ENOX2: variants seen among roughly 807,000 people sequenced by gnomAD.
The protein encoded by ENOX2 is ecto-NOX disulfide-thiol exchanger 2, also known as APK1 antigen.
A neutral mutation model predicts 45.0 loss-of-function variants in ENOX2; 36 were observed. The observed-to-expected ratio is 0.80, with a 90% CI of 0.61 to 1.06. The LOEUF is 1.06. Ranked by LOEUF, ENOX2 falls within the 50% of genes least tolerant of loss-of-function variation. The pLI, the probability that ENOX2 is intolerant of heterozygous loss-of-function variation, is 0.00. For synonymous variants in ENOX2, 174 were observed against 152.3 expected (o/e 1.14, Z -1.05); for missense variants, 423 against 462.5 (o/e 0.91, Z 0.78).
chrX:130,849,519 C>T (rs1371307296), intron 2 of ENOX2, among the ~76,000 whole-genome samples: 1 of 111,921 alleles, frequency 8.9e-6, no homozygotes, highest in Non-Finnish European at 1.9e-5. Flanking sequence ...TGCTAAGTGC[C>T]GAGATATTGA....
chrX:130,852,987 T>C (rs1030110813), intron 2 of ENOX2, among the ~76,000 whole-genome samples: 1 of 111,044 alleles, frequency 9.0e-6, no homozygotes, highest in Non-Finnish European at 1.9e-5. Flanking sequence ...TTGGACATTA[T>C]ATATAAGACA....
intron 2 of ENOX2, among the ~76,000 whole-genome samples, chrX:130,884,734 G>C (rs1423536019): frequency 2.7e-5 from 3 of 111,250 alleles, no homozygotes; most frequent in Non-Finnish European, 5.7e-5. Flanking sequence ...GAGAGAGAGA[G>C]AGAGAGAGAG....
intron 3 of ENOX2, among the ~76,000 whole-genome samples, chrX:130,780,323 G>A (rs771180344): frequency 8.9e-6 from 1 of 111,919 alleles, no homozygotes; most frequent in South Asian, 3.8e-4. Context: ...CATTTTAGTG[G>A]TGGTTCTAGA....
intron 3 of ENOX2, among the ~76,000 whole-genome samples, chrX:130,747,574 GA>G (rs1325231951): frequency 8.9e-6 from 1 of 112,244 alleles, no homozygotes; most frequent in Non-Finnish European, 1.9e-5. Context: ...CCCCTTGGTT[GA>G]CTCCCAGTAC....
chrX:130,828,504 T>C (rs751779499), intron 2 of ENOX2, among the ~76,000 whole-genome samples: 76 of 112,240 alleles, frequency 6.8e-4, no homozygotes, highest in Admixed American at 1.5e-3. Flanking sequence ...TTGTAATTAA[T>C]ACCATACGGA....
At chrX:130,656,393 C>A (rs866548706) in intron 10 of ENOX2, among the ~76,000 whole-genome samples, 188 bp downstream of exon 10, 7 of 112,367 alleles carry the variant, frequency 6.2e-5, no homozygotes, top group Non-Finnish European at 1.3e-4. Context: ...TAAGTGAAAA[C>A]CACAGAAAAT....
intron 2 of ENOX2, among the ~76,000 whole-genome samples, chrX:130,836,934 G>A (rs2077936720): frequency 9.0e-6 from 1 of 111,628 alleles, no homozygotes; most frequent in African/African-American, 3.3e-5. Flanking sequence ...TATCCTCTAG[G>A]TGAGCATTTT....
At chrX:130,665,539 A>T in intron 9 of ENOX2, 104 bp downstream of exon 9, 1 of 558,282 alleles carries the variant, frequency 1.8e-6, no homozygotes, top group East Asian at 3.6e-5. Flanking sequence ...TATTGTGACC[A>T]TGGGAGCTTG....
intron 2 of ENOX2, among the ~76,000 whole-genome samples, chrX:130,795,862 G>A (rs917361600): frequency 3.6e-5 from 4 of 110,615 alleles, no homozygotes; most frequent in African/African-American, 1.3e-4. Context: ...TTCAAAACTC[G>A]GCTCAAATGT....
In ENOX2 at chrX:130,670,179, G is replaced by A; in HGVS notation, c.480C>T (p.Gly160=). The A allele has an allele frequency of 8.3e-7, 1 of 1,208,791 alleles. No individual in the cohort carries two copies. Among genetic ancestry groups the A allele is most frequent in the Non-Finnish European group, 1.1e-6 (1 of 893,276 alleles). ...CTGTGTCCTTCTTGTCAGTACTAGA[G>A]CCCAGGCGAATGCGGTAACCTAAGT... ...LYLSGYRIRL[G]SSTDKKDTGR... Residue 160 remains glycine, a synonymous_variant, in exon 7 of 15, where the codon GGC becomes GGT. Coordinates refer to ENST00000394363, the MANE Select transcript of ENOX2 (RefSeq NM_006375.4).
chrX:130,871,831 T>C (rs1407587371), intron 2 of ENOX2, among the ~76,000 whole-genome samples: 1 of 111,533 alleles, frequency 9.0e-6, no homozygotes, highest in Non-Finnish European at 1.9e-5. Context: ...ATGCAGATAT[T>C]TGATTCAAGT....
intron 6 of ENOX2, among the ~76,000 whole-genome samples, chrX:130,670,849 G>A (rs781693466): frequency 9.2e-4 from 101 of 110,147 alleles, no homozygotes; most frequent in Non-Finnish European, 1.4e-3. Flanking sequence ...CAGAAAACCT[G>A]ATTCAACTCC....
chrX:130,841,917 G>A (rs1603367135), intron 2 of ENOX2, among the ~76,000 whole-genome samples: 2 of 112,019 alleles, frequency 1.8e-5, no homozygotes, highest in South Asian at 3.7e-4. Context: ...AAAGAAATTC[G>A]CTCCTCCTCC....
chrX:130,896,969 A>G (rs188303407), intron 2 of ENOX2, among the ~76,000 whole-genome samples: 3 of 112,563 alleles, frequency 2.7e-5, no homozygotes, highest in East Asian at 5.6e-4. Context: ...AATATAGTGC[A>G]CACATGGGCT....
At chrX:130,632,102 C>G (rs759091928) in intron 12 of ENOX2, among the ~76,000 whole-genome samples, 79 of 111,148 alleles carry the variant, frequency 7.1e-4, no homozygotes, top group Non-Finnish European at 1.4e-3. Context: ...GGCTACACTG[C>G]CAATCCACTG....
intron 2 of ENOX2, among the ~76,000 whole-genome samples, chrX:130,853,333 G>A (rs1474824974): frequency 1.4e-4 from 15 of 107,400 alleles, no homozygotes; most frequent in African/African-American, 4.4e-4. Context: ...GCGTAGTGGC[G>A]GGCGCCTGTA....
At chrX:130,757,945 T>C (rs1227697553) in intron 3 of ENOX2, among the ~76,000 whole-genome samples, 1 of 111,624 alleles carries the variant, frequency 9.0e-6, no homozygotes, top group Non-Finnish European at 1.9e-5. Context: ...CTTGCTATGT[T>C]GCCCAAGCTG....
intron 10 of ENOX2, among the ~76,000 whole-genome samples, chrX:130,650,829 A>G (rs1237215918): frequency 8.9e-6 from 1 of 111,861 alleles, no homozygotes; most frequent in East Asian, 2.8e-4. Flanking sequence ...AATCCCAGAC[A>G]TGTTTCTGTA....
intron 7 of ENOX2, 63 bp from the exon 8 acceptor site, chrX:130,667,805 T>C (rs978550982): frequency 2.2e-6 from 2 of 919,320 alleles, no homozygotes; most frequent in East Asian, 3.2e-5. Context: ...TTTCCCAACA[T>C]GCTGGCAAAG....
Sources: allele counts gnomAD v4.1 joint callset (sites outside exome capture counted in the v4.1 genomes callset), GRCh38; gene constraint gnomAD v4.1.1; transcripts MANE v1.5; gene names NCBI Gene and HGNC (gene_info 2026-07-23, HGNC 2026-07-21).